The following ABHD2 variants were observed in gnomAD, a reference collection of about 807,000 sequenced individuals.
ABHD2 encodes the protein abhydrolase domain containing 2, acylglycerol lipase.
A neutral mutation model predicts 48.1 loss-of-function variants in ABHD2; 20 were observed. The observed-to-expected ratio is 0.42, with a 90% confidence interval of 0.29 to 0.60. ABHD2 has a LOEUF of 0.60. ABHD2 is among the 20% of genes least tolerant of loss of function. The probability of loss-of-function intolerance (pLI) is 0.24; values close to 1 mark genes in which losing one functional copy is unlikely to be tolerated. For missense variants in ABHD2, 405 were observed against 550.9 expected (o/e 0.74, Z 2.65); for synonymous variants, 209 against 214.2 (o/e 0.98, Z 0.21).
chr15:89,193,967 T>C (rs539297995), intron 10 of ABHD2, among the ~76,000 whole-genome samples: 1 of 150,314 alleles, frequency 6.7e-6, no homozygotes, highest in South Asian at 2.1e-4. Context: ...GGCACATACC[T>C]GTAGTCCTAG....
chr15:89,084,217 A>AG (rs1379530305), upstream of ABHD2, among the ~76,000 whole-genome samples: 1 of 151,314 alleles, frequency 6.6e-6, no homozygotes, highest in East Asian at 1.9e-4. This position sits in a 1 kb window ranked among gnomAD's most constrained non-coding sequence, Gnocchi z 4.4. Flanking sequence ...TGTAAAAAAA[A>AG]AAAAAAAAAA....
chr15:89,122,510 A>G (rs2050067908), intron 3 of ABHD2, among the ~76,000 whole-genome samples: 1 of 152,226 alleles, frequency 6.6e-6, no homozygotes, highest in African/African-American at 2.4e-5. Context: ...ATGGTGCTCT[A>G]GGGAATCAGG....
At chr15:89,183,382 AAAATAT>A (rs1222254507) in intron 6 of ABHD2, 142 of 55,500 alleles carry the variant, frequency 2.6e-3, no homozygotes, top group Middle Eastern at 0.011. Context: ...AAAAAAAAAA[AAAATAT>A]ATATATATAT....
intron 5 of ABHD2, among the ~76,000 whole-genome samples, chr15:89,163,237 C>A (rs1041746170): frequency 6.6e-6 from 1 of 152,212 alleles, no homozygotes; most frequent in Non-Finnish European, 1.5e-5. Context: ...ATTTATCAAC[C>A]CAACTCTGTT....
chr15:89,116,844 T>C lies in ABHD2; in HGVS notation c.194+323T>C, dbSNP rs1320561100. On this transcript the variant is annotated intron_variant, in intron 3 of 10. Coordinates refer to ENST00000352732, the MANE Select transcript of ABHD2 (RefSeq NM_152924.5). The surrounding 1 kb of genome is among the most constrained non-coding windows in gnomAD (Gnocchi z 4.6). ...TATTCTAGTCCTTTAACGAATGCTT[T>C]GTTGCCAGTTCTAGGATGGAGAAAC... Among the ~76,000 whole-genome samples the C allele has an allele frequency of 1.3e-5, 2 of 152,206 alleles. No individual in the cohort carries two copies.
intron 2 of ABHD2, among the ~76,000 whole-genome samples, chr15:89,115,634 G>A (rs1422222372): frequency 4.6e-5 from 7 of 152,124 alleles, no homozygotes; most frequent in Non-Finnish European, 1.0e-4. Context: ...CAAACTAGCC[G>A]AGCTCTATTT....
At chr15:89,152,077 G>GTTTTTTTTTTTTTTTTTTTTTTTTTT (rs34458230) in intron 4 of ABHD2, among the ~76,000 whole-genome samples, 1 of 139,888 alleles carries the variant, frequency 7.1e-6, no homozygotes, top group African/African-American at 2.6e-5. Context: ...TTGTAGAATA[G>GTTTTTTTTTTTTTTTTTTTTTTTTTT]TTTTTTTTTT....
intron 3 of ABHD2, among the ~76,000 whole-genome samples, chr15:89,140,071 T>C (rs2050378033): frequency 6.6e-6 from 1 of 152,130 alleles, no homozygotes; most frequent in Non-Finnish European, 1.5e-5. Context: ...CCTTTGGACT[T>C]GGGTTTTGCA....
chr15:89,073,943 T>C, the ABHD2 span, among the ~76,000 whole-genome samples: 1 of 152,224 alleles, frequency 6.6e-6, no homozygotes, highest in African/African-American at 2.4e-5. Flanking sequence ...ATGCTGCTGC[T>C]GTGGGACCCA....
At chr15:89,139,528 A>G (rs1233076135) in intron 3 of ABHD2, among the ~76,000 whole-genome samples, 3 of 152,112 alleles carry the variant, frequency 2.0e-5, no homozygotes, top group Non-Finnish European at 4.4e-5. Context: ...CAGCACTCGT[A>G]TTTGTTGAAT....
chr15:89,163,030 T>C (rs900269986), intron 5 of ABHD2, among the ~76,000 whole-genome samples: 19 of 152,222 alleles, frequency 1.2e-4, no homozygotes, highest in Admixed American at 1.2e-3. Flanking sequence ...ATGTGAGTCT[T>C]CCCTTAGGCA....
At position 89,116,184 on chromosome 15, in the gene ABHD2, C is replaced by G; in HGVS notation, c.-6-138C>G. On this transcript the variant is annotated intron_variant, in intron 2 of 10. Coordinates refer to ENST00000352732, the MANE Select transcript of ABHD2 (RefSeq NM_152924.5). The surrounding 1 kb of genome is among the most constrained non-coding windows in gnomAD (Gnocchi z 4.6). ...TAAGATGCTGGTGGTGTCTGCCTGT[C>G]AGGAGCCTGCGGAAACATCTGAATT... The G allele has an allele frequency of 2.7e-6, 2 of 751,416 alleles. No homozygotes were observed. Among genetic ancestry groups the G allele is most frequent in the East Asian group, 5.3e-5 (2 of 37,816 alleles). The allele number at this position is 751,416 out of a possible 1,614,324, so 46.5% of individuals were successfully genotyped here.
At chr15:89,118,335 G>A (rs1458228587) in intron 3 of ABHD2, among the ~76,000 whole-genome samples, 2 of 151,820 alleles carry the variant, frequency 1.3e-5, no homozygotes, top group East Asian at 3.9e-4. Flanking sequence ...GTGCCACCAC[G>A]CCCAGCTAAT....
At chr15:89,126,176 C>T (rs1367707725) in intron 3 of ABHD2, among the ~76,000 whole-genome samples, 1 of 152,138 alleles carries the variant, frequency 6.6e-6, no homozygotes, top group Non-Finnish European at 1.5e-5. Flanking sequence ...CAACTGATTC[C>T]ATCACGTGGT....
chr15:89,051,210 G>A, the ABHD2 span, among the ~76,000 whole-genome samples: 1 of 152,168 alleles, frequency 6.6e-6, no homozygotes, highest in African/African-American at 2.4e-5. Flanking sequence ...TCCAGCCTGG[G>A]TGACAAGAGT....
At chr15:89,160,210 C>CCCGTG (rs1437721633) in intron 5 of ABHD2, among the ~76,000 whole-genome samples, 7 of 152,174 alleles carry the variant, frequency 4.6e-5, no homozygotes, top group African/African-American at 1.7e-4. Context: ...TAGAGCAAAG[C>CCCGTG]CCGTGTTTGT....
chr15:89,178,768 G>A (rs1248563370), intron 6 of ABHD2, among the ~76,000 whole-genome samples: 1 of 152,206 alleles, frequency 6.6e-6, no homozygotes, highest in Non-Finnish European at 1.5e-5. Flanking sequence ...CCCGCCTGGG[G>A]ACTCTGTGTG....
At chr15:89,061,863 G>A in the ABHD2 span, among the ~76,000 whole-genome samples, 3 of 152,066 alleles carry the variant, frequency 2.0e-5, no homozygotes, top group Non-Finnish European at 4.4e-5. Flanking sequence ...TGTGAGCTAC[G>A]GTGCCTGGCC....
At chr15:89,136,898 G>C (rs1165007899) in intron 3 of ABHD2, among the ~76,000 whole-genome samples, 3 of 152,226 alleles carry the variant, frequency 2.0e-5, no homozygotes, top group Non-Finnish European at 4.4e-5. Flanking sequence ...TGGCATCTAT[G>C]TGCATGTCCT....
Sources: gnomAD v4.1 joint callset for allele counts (sites outside exome capture counted in the v4.1 genomes callset) on GRCh38, gnomAD v4.1.1 for gene constraint, Gnocchi (gnomAD v3.1) non-coding constraint, MANE v1.5 for transcripts, NCBI Gene and HGNC (gene_info 2026-07-23, HGNC 2026-07-21) for gene names.